EPHA6: variants seen among roughly 807,000 people sequenced by gnomAD.
EPHA6 encodes the protein ephrin type-A receptor 6.
In EPHA6, 50 loss-of-function variants were observed where a neutral mutation model predicts 112.0. That is an observed-to-expected ratio of 0.45 (90% CI 0.36 to 0.56). The LOEUF (loss-of-function observed/expected upper bound fraction) is 0.56. Among genes scored for constraint, EPHA6 ranks in the 20% least tolerant of loss-of-function variants. The pLI is 0.00. For missense variants in EPHA6, 1,280 were observed against 1,417.4 expected (o/e 0.90, Z 1.56); for synonymous variants, 529 against 490.7 (o/e 1.08, Z -1.03).
At chr3:97,342,832 A>T (rs1334838648) in intron 5 of EPHA6, among the ~76,000 whole-genome samples, 2 of 152,180 alleles carry the variant, frequency 1.3e-5, no homozygotes, top group African/African-American at 4.8e-5. Context: ...TTAATCTCAG[A>T]CATACAGCCT....
At chr3:97,490,558 T>G (rs2091813652) in intron 10 of EPHA6, among the ~76,000 whole-genome samples, 1 of 152,196 alleles carries the variant, frequency 6.6e-6, no homozygotes, top group South Asian at 2.1e-4. Flanking sequence ...TGAAGGAAAT[T>G]TGATCCCTAT....
intron 6 of EPHA6, among the ~76,000 whole-genome samples, chr3:97,445,331 T>C (rs1452273901): frequency 2.6e-5 from 4 of 152,134 alleles, no homozygotes; most frequent in African/African-American, 9.7e-5. Context: ...CAGTTGAGTA[T>C]GCTTTGCAAC....
intron 5 of EPHA6, among the ~76,000 whole-genome samples, chr3:97,262,469 G>C (rs1334324015): frequency 6.6e-6 from 1 of 152,058 alleles, no homozygotes; most frequent in Non-Finnish European, 1.5e-5. Context: ...TTCAAATTTA[G>C]AATGAATATA....
At chr3:97,016,806 G>T (rs553792611) in intron 3 of EPHA6, among the ~76,000 whole-genome samples, 2 of 152,284 alleles carry the variant, frequency 1.3e-5, no homozygotes, top group African/African-American at 2.4e-5. Flanking sequence ...ACAGGCATCT[G>T]CAGTATCCAC....
At chr3:97,651,244 A>C (rs549830384) in intron 14 of EPHA6, among the ~76,000 whole-genome samples, 86 of 152,228 alleles carry the variant, frequency 5.6e-4, no homozygotes, top group African/African-American at 1.9e-3. Context: ...ACAACCCACC[A>C]ATCTGTAAAC....
At chr3:96,859,634 A>G (rs150817908) in intron 1 of EPHA6, among the ~76,000 whole-genome samples, 13 of 151,774 alleles carry the variant, frequency 8.6e-5, no homozygotes, top group Non-Finnish European at 1.9e-4. Context: ...AACATCTCCC[A>G]CTCTATGTAA....
chr3:97,281,218 TGTGTGTGTGTGCGC>T (rs1199124005), intron 5 of EPHA6, among the ~76,000 whole-genome samples: 7 of 142,662 alleles, frequency 4.9e-5, no homozygotes, highest in African/African-American at 2.9e-5. Context: ...TGTGTGTGTG[TGTGTGTGTGTGCGC>T]GCGTGTGTGC....
At chr3:97,300,377 C>G (rs1212827632) in intron 5 of EPHA6, among the ~76,000 whole-genome samples, 2 of 152,186 alleles carry the variant, frequency 1.3e-5, no homozygotes, top group Non-Finnish European at 2.9e-5. Flanking sequence ...GGGTAAAGGA[C>G]AGTATCTTTG....
At chr3:96,963,516 A>C (rs1004975683) in intron 2 of EPHA6, among the ~76,000 whole-genome samples, 4 of 152,122 alleles carry the variant, frequency 2.6e-5, no homozygotes, top group Non-Finnish European at 4.4e-5. Context: ...TTCTCTATAA[A>C]TGTATGCTTT....
intron 2 of EPHA6, among the ~76,000 whole-genome samples, chr3:96,931,765 A>G (rs2040337876): frequency 6.6e-6 from 1 of 152,270 alleles, no homozygotes; most frequent in South Asian, 2.1e-4. Context: ...AGTGAGTCTT[A>G]TCTTGTGAGG....
intron 3 of EPHA6, among the ~76,000 whole-genome samples, chr3:97,076,114 T>C (rs2108177690): frequency 6.6e-6 from 1 of 152,130 alleles, no homozygotes; most frequent in East Asian, 1.9e-4. Context: ...GTCACATCTC[T>C]CACTTTAAAT....
Position 97,760,336 on chromosome 3 carries a change from A to C in EPHA6, c.*11635A>C. 6.8e-6 allele frequency: 1 copy of C among 147,550 alleles called. No individual in the cohort carries two copies. Among genetic ancestry groups the C allele is most frequent in the Non-Finnish European group, 1.4e-5 (1 of 70,294 alleles). The allele number at this position is 147,550 out of a possible 1,614,324, so 9.1% of individuals were successfully genotyped here. ...TGTGCTTGGTGCTTTGTTTCTGGAGATATATATATATATATTATATATATG... is the reference window on the plus strand; with the variant it reads ...TGTGCTTGGTGCTTTGTTTCTGGAGCTATATATATATATATTATATATATG... On this transcript the variant is annotated 3_prime_UTR_variant, in exon 18 of 18. Transcript: ENST00000389672.
chr3:96,935,077 G>A (rs958099975), intron 2 of EPHA6, among the ~76,000 whole-genome samples: 2 of 151,702 alleles, frequency 1.3e-5, no homozygotes, highest in African/African-American at 4.8e-5. Context: ...AACACTAAGA[G>A]CATTTAGATT....
intron 3 of EPHA6, among the ~76,000 whole-genome samples, chr3:97,046,661 A>G (rs1370621281): frequency 6.6e-6 from 1 of 152,196 alleles, no homozygotes; most frequent in East Asian, 1.9e-4. Context: ...AGAATTCAGC[A>G]TATCACTGAA....
intron 3 of EPHA6, among the ~76,000 whole-genome samples, chr3:97,140,442 C>T (rs898079051): frequency 7.2e-5 from 11 of 152,046 alleles, no homozygotes; most frequent in Non-Finnish European, 1.6e-4. Context: ...AGAGAAGCAT[C>T]AAATCACCTA....
chr3:97,319,754 A>G (rs1216010665), intron 5 of EPHA6, among the ~76,000 whole-genome samples: 1 of 151,666 alleles, frequency 6.6e-6, no homozygotes, highest in African/African-American at 2.4e-5. Context: ...TAAAGCCTCC[A>G]TTTTTTCTTA....
intron 2 of EPHA6, among the ~76,000 whole-genome samples, chr3:96,939,388 T>C (rs2040801793): frequency 6.6e-6 from 1 of 152,232 alleles, no homozygotes; most frequent in African/African-American, 2.4e-5. Context: ...TCTAGTTTAT[T>C]TGCGTAGAGA....
chr3:97,606,055 T>A (rs1373224477), intron 12 of EPHA6: 1 of 151,540 alleles, frequency 6.6e-6, no homozygotes, highest in East Asian at 1.9e-4. Context: ...ATGAACTTAA[T>A]TACCAAGCAA....
chr3:96,972,016 T>C (rs1361270954), intron 2 of EPHA6, among the ~76,000 whole-genome samples: 1 of 152,182 alleles, frequency 6.6e-6, no homozygotes, highest in Admixed American at 6.5e-5. Context: ...TATATTGTTT[T>C]AATCTATCTT....
Sources: allele counts gnomAD v4.1 joint callset (sites outside exome capture counted in the v4.1 genomes callset), GRCh38; gene constraint gnomAD v4.1.1; transcripts MANE v1.5; gene names NCBI Gene and HGNC (gene_info 2026-07-23, HGNC 2026-07-21).